Variants in PYGO1 observed in about 807,000 individuals in gnomAD.
The protein encoded by PYGO1 is pygopus family PHD finger 1.
Under a neutral mutation model 29.5 loss-of-function variants are expected in PYGO1, and 6 were observed. That is an observed-to-expected ratio of 0.20 (90% confidence interval 0.11 to 0.40). The LOEUF (loss-of-function observed/expected upper bound fraction) is 0.40, where lower values mean the gene tolerates loss of function less well. PYGO1 is among the 10% of genes least tolerant of loss of function. The pLI is 1.00. For synonymous variants in PYGO1, 186 were observed against 180.5 expected, an observed-to-expected ratio of 1.03 and a Z score of -0.24; for missense variants, 515 against 514.9, an observed-to-expected ratio of 1.00 and a Z score of 0.00.
chr15:55,539,457 G>A lies in PYGO1; in HGVS notation c.*6566C>T, dbSNP rs1406006177. 6.6e-6 allele frequency: 1 copy of A among 151,918 alleles called. No homozygotes were observed. Among genetic ancestry groups the A allele is most frequent in the African/African-American group, 2.4e-5 (1 of 41,400 alleles). The allele number at this position is 151,918 out of a possible 1,614,324, so 9.4% of individuals were successfully genotyped here. A position where few individuals can be genotyped will look rare whatever the true frequency, so the allele number is the denominator to read the frequency against. On this transcript the variant is annotated 3_prime_UTR_variant, in exon 3 of 3. Coordinates refer to ENST00000563719, the MANE Select transcript of PYGO1 (RefSeq NM_001367806.1). ...AACCAAAAAAAAAAATAAACAATTT[G>A]GGGTAATCTAGTCATTTCATACTTT... is the stretch of plus-strand genomic sequence containing the variant.
intron 1 of PYGO1, among the ~76,000 whole-genome samples, chr15:55,555,309 T>G: frequency 6.6e-6 from 1 of 151,772 alleles, no homozygotes; most frequent in East Asian, 1.9e-4. Context: ...AAGCAAACCC[T>G]GAGGGAATTC....
intron 1 of PYGO1, among the ~76,000 whole-genome samples, chr15:55,572,355 G>A (rs1595991242): frequency 6.6e-6 from 1 of 152,276 alleles, no homozygotes; most frequent in South Asian, 2.1e-4. Context: ...ACCACATGCA[G>A]ATGAATGAAA....
intron 1 of PYGO1, among the ~76,000 whole-genome samples, chr15:55,576,492 C>CG (rs943378961): frequency 2.2e-5 from 3 of 135,094 alleles, no homozygotes; most frequent in African/African-American, 8.1e-5. Context: ...AGAGAGAGGC[C>CG]GGGCATGGTG....
At chr15:55,573,324 AG>A (rs932714334) in intron 1 of PYGO1, among the ~76,000 whole-genome samples, 5 of 149,242 alleles carry the variant, frequency 3.4e-5, no homozygotes, top group African/African-American at 1.3e-4. Context: ...AAAAAAAAAA[AG>A]AGAGACAAGA....
At chr15:55,556,744 T>G (rs1029663128) in intron 1 of PYGO1, among the ~76,000 whole-genome samples, 1 of 148,656 alleles carries the variant, frequency 6.7e-6, no homozygotes, top group African/African-American at 2.5e-5. Flanking sequence ...TAAAAGAGAC[T>G]GCTAGCTAGA....
At chr15:55,557,262 C>G (rs1038411957) in intron 1 of PYGO1, among the ~76,000 whole-genome samples, 1 of 151,584 alleles carries the variant, frequency 6.6e-6, no homozygotes, top group Admixed American at 6.6e-5. Context: ...ATAAATTCCT[C>G]GACACATACA....
At position 55,583,870 on chromosome 15, in the gene PYGO1, CAA is replaced by C. The variant is rs1308631342; in HGVS notation, c.49+3963_49+3964del. ...CCTAAAAACTGCCTTCTCAAAATCACAAGAGACCTCCTAGACCCTTTCTCACA... is the reference window on the plus strand; with the variant it reads ...CCTAAAAACTGCCTTCTCAAAATCACGAGACCTCCTAGACCCTTTCTCACA... On this transcript the variant is annotated intron_variant, in intron 1 of 2. Coordinates refer to ENST00000563719, the MANE Select transcript of PYGO1 (RefSeq NM_001367806.1). Among the ~76,000 whole-genome samples, 4 of 152,252 alleles carry C rather than the reference CAA, an allele frequency of 2.6e-5. No homozygotes were observed. The East Asian group carries it at 5.8e-4, about 22-fold the overall frequency.
chr15:55,564,208 T>C (rs2058945249), intron 1 of PYGO1, among the ~76,000 whole-genome samples: 1 of 152,170 alleles, frequency 6.6e-6, no homozygotes, highest in Admixed American at 6.5e-5. Context: ...CAAAATGGTA[T>C]ATCTATACAA....
At chr15:55,563,365 T>C (rs1193677308) in intron 1 of PYGO1, among the ~76,000 whole-genome samples, 2 of 133,030 alleles carry the variant, frequency 1.5e-5, no homozygotes, top group African/African-American at 5.5e-5. Flanking sequence ...ATGAATAAAT[T>C]CTTTTTTTTT....
At chr15:55,552,917 G>A (rs1012250461) in intron 1 of PYGO1, among the ~76,000 whole-genome samples, 1 of 152,134 alleles carries the variant, frequency 6.6e-6, no homozygotes, top group Non-Finnish European at 1.5e-5. Context: ...CACTTCCATG[G>A]CACCTCCCAA....
At chr15:55,548,483 G>A (rs527801252) in intron 2 of PYGO1, among the ~76,000 whole-genome samples, 1 of 151,644 alleles carries the variant, frequency 6.6e-6, no homozygotes, top group African/African-American at 2.4e-5. Context: ...CGAGGCGGGT[G>A]GATCACGAGG....
intron 1 of PYGO1, among the ~76,000 whole-genome samples, chr15:55,566,409 TC>T (rs1295161275): frequency 5.3e-5 from 8 of 151,606 alleles, no homozygotes; most frequent in African/African-American, 1.9e-4. Context: ...AAGATTTCAT[TC>T]TTTTTTTTTT....
At position 55,552,527 on chromosome 15, in the gene PYGO1, G is replaced by C. The variant is rs567984296; in HGVS notation, c.50-3532C>G. Among the ~76,000 whole-genome samples the C allele has an allele frequency of 2.0e-5, 3 of 152,066 alleles. No homozygotes were observed. The South Asian group carries it at 6.2e-4, about 32-fold the overall frequency. On this transcript the variant is annotated intron_variant, in intron 1 of 2. Coordinates refer to ENST00000563719, the MANE Select transcript of PYGO1 (RefSeq NM_001367806.1). ...GACCCACAGAGAATGAAGAAAAATG[G>C]GGTAGGGCAATCGCCCGCCCAGGAG...
chr15:55,555,419 C>T (rs546167523), intron 1 of PYGO1, among the ~76,000 whole-genome samples: 11 of 149,684 alleles, frequency 7.3e-5, no homozygotes, highest in African/African-American at 2.5e-4. Flanking sequence ...AGGTACATGA[C>T]CAATGAAGCA....
rs975131749 is a variant in PYGO1, at chr15:55,543,386, A to G, written c.*2637T>C. 2 of 152,206 alleles carry G rather than the reference A, an allele frequency of 1.3e-5. No individual in the cohort carries two copies. The highest frequency in any genetic ancestry group is 3.8e-4 in the East Asian group (2 of 5,200). The allele number at this position is 152,206 out of a possible 1,614,324, so 9.4% of individuals were successfully genotyped here. A position where few individuals can be genotyped will look rare whatever the true frequency, so the allele number is the denominator to read the frequency against. ...AAATTAATTCAAACACATGAACGCT[A>G]TTCATCAGCTATGATTACAGTTTGG... On this transcript the variant is annotated 3_prime_UTR_variant, in exon 3 of 3. Coordinates refer to ENST00000563719, the MANE Select transcript of PYGO1 (RefSeq NM_001367806.1).
At chr15:55,565,456 C>A (rs2058951579) in intron 1 of PYGO1, among the ~76,000 whole-genome samples, 1 of 151,938 alleles carries the variant, frequency 6.6e-6, no homozygotes, top group Non-Finnish European at 1.5e-5. Flanking sequence ...GTAATCCTAG[C>A]ACTTTGGAAG....
At chr15:55,573,605 G>A (rs539396308) in intron 1 of PYGO1, among the ~76,000 whole-genome samples, 1 of 152,246 alleles carries the variant, frequency 6.6e-6, no homozygotes, top group African/African-American at 2.4e-5. Flanking sequence ...TCAACAATGG[G>A]TGCATATAGT....
upstream of PYGO1, chr15:55,588,671 C>G (rs1260812169): frequency 9.8e-6 from 9 of 917,696 alleles, no homozygotes; most frequent in Middle Eastern, 3.7e-4. Context: ...CCGCCAGGCC[C>G]GAGAACGCCC....
In PYGO1 at chr15:55,546,610, G is replaced by A; in HGVS notation, c.673C>T (p.Pro225Ser). The A allele has an allele frequency of 6.2e-7, 1 of 1,613,892 alleles. No homozygotes were observed. The highest frequency in any genetic ancestry group is 1.1e-5 in the South Asian group (1 of 91,056). ...PLESNHSFIPPPNTFGQAKAP... is the reference protein window; with the variant it reads ...PLESNHSFIPSPNTFGQAKAP... Reference sequence around the variant, plus strand: ...TTTGCTTGACCAAAAGTGTTTGGGGGAGGAATAAAAGAATGATTAGATTCT... The same window carrying A: ...TTTGCTTGACCAAAAGTGTTTGGGGAAGGAATAAAAGAATGATTAGATTCT... The change falls in exon 3 of 3, where the codon CCC (proline) becomes TCC (serine). Residue 225 changes from proline to serine, a missense_variant. Pro to Ser is a moderately conservative substitution (Grantham distance 74). Transcript: ENST00000563719.
Sources: gnomAD v4.1 joint callset for allele counts (sites outside exome capture counted in the v4.1 genomes callset) on GRCh38, gnomAD v4.1.1 for gene constraint, MANE v1.5 for transcripts, NCBI Gene and HGNC (gene_info 2026-07-23, HGNC 2026-07-21) for gene names.